FBXL13: variants seen among roughly 807,000 people sequenced by gnomAD.
FBXL13 encodes F-box and leucine-rich repeat protein 13.
Under a neutral mutation model 83.6 loss-of-function variants are expected in FBXL13, and 67 were observed. The ratio of observed to expected loss-of-function variants is 0.80; its 90% CI spans 0.66 to 0.98. FBXL13 has a LOEUF of 0.98. Ranked by LOEUF, FBXL13 falls within the 50% of genes least tolerant of loss-of-function variation. FBXL13 has a pLI of 0.00. For synonymous variants in FBXL13, 272 were observed against 299.5 expected (o/e 0.91, Z 0.95); for missense variants, 822 against 866.5 (o/e 0.95, Z 0.64).
chr7:102,932,084 G>GA (rs1428064858), intron 8 of FBXL13, 151 bp from the exon 10 acceptor site: 25 of 632,758 alleles, frequency 4.0e-5, no homozygotes, highest in Middle Eastern at 7.1e-4. Flanking sequence ...TCTTTCCCCA[G>GA]AAAAATGGCT....
intron 6 of FBXL13, among the ~76,000 whole-genome samples, chr7:103,010,998 A>T (rs577525500): frequency 1.2e-4 from 19 of 152,302 alleles, no homozygotes; most frequent in African/African-American, 4.6e-4. Flanking sequence ...TCTATAATCA[A>T]ACCCCAAGGG....
intron 6 of FBXL13, among the ~76,000 whole-genome samples, chr7:102,979,213 C>A (rs1827886996): frequency 6.6e-6 from 1 of 152,136 alleles, no homozygotes; most frequent in African/African-American, 2.4e-5. Flanking sequence ...CTGGATTAGT[C>A]AAGATTCCAA....
intron 6 of FBXL13, among the ~76,000 whole-genome samples, chr7:103,006,153 G>A (rs960457557): frequency 2.0e-5 from 3 of 152,302 alleles, no homozygotes; most frequent in East Asian, 1.9e-4. Flanking sequence ...TGATAGAAGC[G>A]GTGCCAGATA....
intron 16 of FBXL13, among the ~76,000 whole-genome samples, chr7:102,871,797 C>A (rs1193511499): frequency 6.6e-6 from 1 of 152,194 alleles, no homozygotes; most frequent in Non-Finnish European, 1.5e-5. Flanking sequence ...TCACCAAGTT[C>A]TTTCGGTTTT....
chr7:103,074,746 G>C (rs950265773), upstream of FBXL13: 78 of 1,289,694 alleles, frequency 6.0e-5, no homozygotes, highest in Non-Finnish European at 7.8e-5. Flanking sequence ...TTCAGCCTCG[G>C]GTTGGCATTG....
intron 19 of FBXL13, among the ~76,000 whole-genome samples, chr7:102,815,742 G>A (rs970093521): frequency 6.6e-6 from 1 of 151,950 alleles, no homozygotes; most frequent in African/African-American, 2.4e-5. Flanking sequence ...CAGTTTTGAC[G>A]GCTCTAGATA....
At chr7:102,932,068 A>G (rs550908391) in intron 8 of FBXL13, 135 bp from the exon 10 acceptor site, 87 of 728,532 alleles carry the variant, frequency 1.2e-4, no homozygotes, top group Non-Finnish European at 1.8e-4. Context: ...TTCTAAGTAT[A>G]TGGTTTCTTT....
intron 17 of FBXL13, among the ~76,000 whole-genome samples, chr7:102,842,203 T>C (rs895186675): frequency 2.0e-5 from 3 of 152,186 alleles, no homozygotes; most frequent in African/African-American, 7.2e-5. Flanking sequence ...AGGCCAATGA[T>C]TAAAGTCATT....
At chr7:102,812,619 C>G (rs1797491783), downstream of FBXL13, among the ~76,000 whole-genome samples, 1 of 152,226 alleles carries the variant, frequency 6.6e-6, no homozygotes, top group East Asian at 1.9e-4. Flanking sequence ...AAAAGCGTTA[C>G]AGATCCTTAA....
chr7:103,018,325 C>T (rs1388718169), intron 6 of FBXL13, among the ~76,000 whole-genome samples: 3 of 152,110 alleles, frequency 2.0e-5, no homozygotes, highest in East Asian at 3.9e-4. Flanking sequence ...CTGAAGGAAG[C>T]ACTAAACACG....
At chr7:102,967,239 T>A (rs1177896747) in intron 7 of FBXL13, among the ~76,000 whole-genome samples, 1 of 150,228 alleles carries the variant, frequency 6.7e-6, no homozygotes, top group Admixed American at 6.7e-5. Context: ...ATTATAGGCG[T>A]GAGCTACTGC....
At chr7:102,938,854 C>T (rs1820834222) in intron 8 of FBXL13, among the ~76,000 whole-genome samples, 1 of 152,166 alleles carries the variant, frequency 6.6e-6, no homozygotes, top group Non-Finnish European at 1.5e-5. Flanking sequence ...TTTTGCATTT[C>T]CTGGTATTAC....
chr7:102,890,576 C>T (rs749120270), intron 11 of FBXL13, among the ~76,000 whole-genome samples: 60 of 152,204 alleles, frequency 3.9e-4, no homozygotes, highest in Non-Finnish European at 6.9e-4. Context: ...AGAAGACAGA[C>T]CTGTCTGTAA....
chr7:102,963,402 A>C, intron 8 of FBXL13, 131 bp downstream of exon 9: 1 of 1,047,106 alleles, frequency 9.6e-7, no homozygotes, highest in African/African-American at 1.6e-5. Flanking sequence ...ACACTTATTA[A>C]ATGGTTATAA....
At chr7:103,024,265 G>A (rs1213332598) in intron 6 of FBXL13, among the ~76,000 whole-genome samples, 1 of 151,710 alleles carries the variant, frequency 6.6e-6, no homozygotes, top group Non-Finnish European at 1.5e-5. Context: ...GGTGGTTCAT[G>A]CCTGTAATCC....
chr7:102,862,328 C>CAAAAA (rs111697845), intron 16 of FBXL13, among the ~76,000 whole-genome samples: 3 of 96,806 alleles, frequency 3.1e-5, no homozygotes, highest in Non-Finnish European at 2.4e-5. Flanking sequence ...GAATCTGTCT[C>CAAAAA]AAAAAAAAAA....
intron 9 of FBXL13, among the ~76,000 whole-genome samples, chr7:102,931,026 A>G (rs1456846903): frequency 6.6e-6 from 1 of 152,228 alleles, no homozygotes; most frequent in African/African-American, 2.4e-5. Context: ...AAGGATACTT[A>G]TCATAGGAAC....
chr7:102,851,180 C>T (rs1805159290), intron 17 of FBXL13, among the ~76,000 whole-genome samples: 1 of 152,104 alleles, frequency 6.6e-6, no homozygotes, highest in Non-Finnish European at 1.5e-5. Flanking sequence ...TTCTAAGATT[C>T]TTTCAGCTCC....
chr7:102,918,367 C>T lies in FBXL13; in HGVS notation c.879-5152G>A, dbSNP rs188255181. Among the ~76,000 whole-genome samples the T allele has an allele frequency of 3.9e-5, 6 of 152,158 alleles. No individual in the cohort carries two copies. The East Asian group carries it at 1.2e-3, about 29-fold the overall frequency. On this transcript the variant is annotated intron_variant, in intron 10 of 19. Transcript: ENST00000313221. ...GTCCTACTTTTCTATCTATTGCCTA[C>T]TAAAGGTATAACTTCATTTGTAAAA...
Sources: allele counts gnomAD v4.1 joint callset (sites outside exome capture counted in the v4.1 genomes callset), GRCh38; gene constraint gnomAD v4.1.1; transcripts MANE v1.5; gene names NCBI Gene and HGNC (gene_info 2026-07-23, HGNC 2026-07-21).